PRUNE2: variants seen among roughly 807,000 people sequenced by gnomAD.
PRUNE2 encodes the protein prune homolog 2 with BCH domain.
A neutral mutation model predicts 252.0 loss-of-function variants in PRUNE2; 164 were observed. That is an observed-to-expected ratio of 0.65 (90% CI 0.57 to 0.74). PRUNE2 has a LOEUF of 0.74. PRUNE2 is among the 30% of genes least tolerant of loss of function. The pLI, the probability that PRUNE2 is intolerant of heterozygous loss-of-function variation, is 0.00. For missense variants in PRUNE2, 3,495 were observed against 3,711.0 expected (o/e 0.94, Z 1.51); for synonymous variants, 1,292 against 1,350.2 (o/e 0.96, Z 0.94).
intron 11 of PRUNE2, among the ~76,000 whole-genome samples, chr9:76,649,671 T>C (rs897041757): frequency 1.3e-5 from 2 of 151,826 alleles, no homozygotes; most frequent in Non-Finnish European, 2.9e-5. Flanking sequence ...TCAGTAAATA[T>C]AAATCCTGCT....
chr9:76,615,335 A>C, intron 18 of PRUNE2: 3 of 613,430 alleles, frequency 4.9e-6, no homozygotes, highest in Non-Finnish European at 4.1e-6. Context: ...GCAAAGGGTG[A>C]TTTGGCACGT....
chr9:76,721,876 C>T (rs1406794386), intron 6 of PRUNE2, among the ~76,000 whole-genome samples: 2 of 152,140 alleles, frequency 1.3e-5, no homozygotes, highest in African/African-American at 4.8e-5. Context: ...AACCAAAATT[C>T]CATTGTAATA....
chr9:76,905,841 C>A, intron 1 of PRUNE2, 87 bp downstream of exon 1: 1 of 1,557,546 alleles, frequency 6.4e-7, no homozygotes. Flanking sequence ...GTTGTTTCTT[C>A]CTCCTCTGCT....
At chr9:76,779,150 G>A (rs568526387) in intron 6 of PRUNE2, among the ~76,000 whole-genome samples, 9 of 151,998 alleles carry the variant, frequency 5.9e-5, no homozygotes, top group Admixed American at 5.9e-4. Context: ...TTTTCTGGAT[G>A]GGCAATACTT....
At chr9:76,688,413 C>T (rs2044338749) in intron 9 of PRUNE2, among the ~76,000 whole-genome samples, 1 of 152,158 alleles carries the variant, frequency 6.6e-6, no homozygotes, top group Admixed American at 6.6e-5. Context: ...GCTTTCTTTG[C>T]TTGCTTATAT....
intron 1 of PRUNE2, among the ~76,000 whole-genome samples, chr9:76,882,487 G>A (rs2061843871): frequency 6.6e-6 from 1 of 152,198 alleles, no homozygotes; most frequent in African/African-American, 2.4e-5. Flanking sequence ...TCTGCAGGCT[G>A]TACAGGAAGC....
intron 16 of PRUNE2, among the ~76,000 whole-genome samples, chr9:76,626,026 A>G (rs1456281721): frequency 6.6e-6 from 1 of 152,238 alleles, no homozygotes; most frequent in African/African-American, 2.4e-5. Context: ...TTCAATGTTC[A>G]TAAATCAACA....
chr9:76,659,550 T>C (rs17778913), intron 9 of PRUNE2, among the ~76,000 whole-genome samples: 2,586 of 152,326 alleles, frequency 0.017, 45 homozygotes, highest in Non-Finnish European at 0.026. Context: ...TTGAGAGGAA[T>C]GTTTGTATCA....
At chr9:76,853,935 G>A (rs951135303) in intron 2 of PRUNE2, among the ~76,000 whole-genome samples, 169 bp downstream of exon 2, 1 of 152,156 alleles carries the variant, frequency 6.6e-6, no homozygotes, top group Admixed American at 6.6e-5. Context: ...TATAGTAGGT[G>A]CCCAATAAAT....
rs566651105 is a variant in PRUNE2 at position 76,707,349 on chromosome 9, G to A, written c.4925C>T (p.Thr1642Ile). ...CCCTGAATGTTCAGAATATTTGCCT[G>A]TTTCAGGACTGGATAAAGAGGAAAA... Reference protein sequence around the residue: ...DSFSSLSSPETGKYSEHSGTH... With the variant: ...DSFSSLSSPEIGKYSEHSGTH... Residue 1642 changes from threonine (T) to isoleucine (I), a missense_variant, in exon 8 of 19, where the codon ACA becomes ATA. Coordinates refer to ENST00000376718, the MANE Select transcript of PRUNE2 (RefSeq NM_015225.3). The A allele has an allele frequency of 6.2e-7, 1 of 1,613,916 alleles. No individual in the cohort carries two copies.
At chr9:76,842,117 C>G (rs2059425020) in intron 4 of PRUNE2, among the ~76,000 whole-genome samples, 1 of 152,194 alleles carries the variant, frequency 6.6e-6, no homozygotes, top group Admixed American at 6.5e-5. Context: ...AGTAACCAAA[C>G]AGCCTGGTAC....
chr9:76,878,514 C>G (rs562898441), intron 1 of PRUNE2, among the ~76,000 whole-genome samples: 2 of 152,276 alleles, frequency 1.3e-5, no homozygotes, highest in Admixed American at 6.5e-5. Context: ...TGACTATTCA[C>G]TAAGAGATGT....
At chr9:76,808,163 G>A (rs1202986240) in intron 6 of PRUNE2, among the ~76,000 whole-genome samples, 1 of 111,928 alleles carries the variant, frequency 8.9e-6, no homozygotes, top group African/African-American at 3.7e-5. Flanking sequence ...GGGCAACAGA[G>A]TAAGCGAAAC....
At chr9:76,873,307 A>G (rs375899068) in intron 1 of PRUNE2, among the ~76,000 whole-genome samples, 2 of 152,170 alleles carry the variant, frequency 1.3e-5, no homozygotes, top group Non-Finnish European at 2.9e-5. Context: ...CCACTTTTGT[A>G]TATGTTTTAG....
intron 7 of PRUNE2, among the ~76,000 whole-genome samples, chr9:76,712,518 G>T (rs1458142154): frequency 6.6e-6 from 1 of 152,302 alleles, no homozygotes; most frequent in Non-Finnish European, 1.5e-5. Context: ...AGGAGGACTG[G>T]GGTCAACTCA....
Position 76,846,790 on chromosome 9 carries a change from A to T in PRUNE2, c.345-112T>A, listed in dbSNP as rs576328883. The T allele has an allele frequency of 2.2e-5, 17 of 782,658 alleles. No individual in the cohort carries two copies. The South Asian group carries it at 2.6e-4, about 12-fold the overall frequency. The allele number at this position is 782,658 out of a possible 1,614,324, so 48.5% of individuals were successfully genotyped here. On this transcript the variant is annotated intron_variant, in intron 3 of 18. Transcript: ENST00000376718. ...AATGGCTTCCTCTCAATGACCAAAAATATGAGGGAACTCACATGACTCAGA... is the reference window on the plus strand; with the variant it reads ...AATGGCTTCCTCTCAATGACCAAAATTATGAGGGAACTCACATGACTCAGA...
intron 6 of PRUNE2, among the ~76,000 whole-genome samples, chr9:76,716,029 A>T (rs1227459559): frequency 6.6e-6 from 1 of 152,240 alleles, no homozygotes; most frequent in African/African-American, 2.4e-5. Context: ...AACCCTTGAA[A>T]GAAGACACAC....
intron 6 of PRUNE2, among the ~76,000 whole-genome samples, chr9:76,775,077 T>A (rs1268112996): frequency 1.3e-5 from 2 of 150,144 alleles, no homozygotes; most frequent in South Asian, 4.2e-4. Flanking sequence ...AGAAAAAAAA[T>A]TTGCCCTGTT....
intron 1 of PRUNE2, among the ~76,000 whole-genome samples, chr9:76,863,522 C>T (rs949324510): frequency 6.6e-6 from 1 of 152,116 alleles, no homozygotes; most frequent in Non-Finnish European, 1.5e-5. Flanking sequence ...CTGGTAACAT[C>T]AATAAAAAAC....
Sources: allele counts gnomAD v4.1 joint callset (sites outside exome capture counted in the v4.1 genomes callset), GRCh38; gene constraint gnomAD v4.1.1; transcripts MANE v1.5; gene names NCBI Gene and HGNC (gene_info 2026-07-23, HGNC 2026-07-21).